The following CNTN4 variants were observed in gnomAD, a reference collection of about 807,000 sequenced individuals.
CNTN4 encodes the protein contactin-4.
In CNTN4, 77 loss-of-function variants were observed where a neutral mutation model predicts 122.5. That is an observed-to-expected ratio of 0.63 (90% CI 0.52 to 0.76). The LOEUF is 0.76. Among genes scored for constraint, CNTN4 ranks in the 30% least tolerant of loss-of-function variants. CNTN4 has a pLI of 0.00. For synonymous variants in CNTN4, 512 were observed against 447.0 expected, an observed-to-expected ratio of 1.15 and a Z score of -1.83; for missense variants, 1,256 against 1,259.1, an observed-to-expected ratio of 1.00 and a Z score of 0.04.
At chr3:2,590,338 C>T (rs937650933) in intron 4 of CNTN4, among the ~76,000 whole-genome samples, 1 of 152,116 alleles carries the variant, frequency 6.6e-6, no homozygotes, top group African/African-American at 2.4e-5. Context: ...CTCACTGTAA[C>T]CTACGCCTCC....
At chr3:2,239,255 C>T (rs533690031) in intron 2 of CNTN4, among the ~76,000 whole-genome samples, 2 of 152,208 alleles carry the variant, frequency 1.3e-5, no homozygotes, top group Admixed American at 1.3e-4. Context: ...AATCCTGTGG[C>T]ATTACAGAGT....
chr3:2,656,388 A>T (rs1250053067), intron 4 of CNTN4, among the ~76,000 whole-genome samples: 1 of 152,232 alleles, frequency 6.6e-6, no homozygotes, highest in Non-Finnish European at 1.5e-5. Context: ...GCCCAGAAGT[A>T]TCATCAGATC....
chr3:2,322,796 T>G (rs2043315581), intron 2 of CNTN4, among the ~76,000 whole-genome samples: 1 of 152,176 alleles, frequency 6.6e-6, no homozygotes, highest in Admixed American at 6.6e-5. Flanking sequence ...TTAAGTGTCT[T>G]TTTCTTTTAT....
At chr3:2,513,263 C>T (rs567265745) in intron 3 of CNTN4, among the ~76,000 whole-genome samples, 13 of 152,076 alleles carry the variant, frequency 8.5e-5, no homozygotes, top group Non-Finnish European at 1.5e-4. Flanking sequence ...CTGAACTGAC[C>T]TTTGTGAGTG....
intron 6 of CNTN4, among the ~76,000 whole-genome samples, chr3:2,758,716 T>A (rs4685556): frequency 0.7 from 105,553 of 151,750 alleles, 38,384 homozygotes; most frequent in Non-Finnish European, 0.81. Context: ...CGTGTTGGCC[T>A]GGCTGGTCAC....
At chr3:2,972,950 C>A (rs1577457865) in intron 13 of CNTN4, among the ~76,000 whole-genome samples, 1 of 152,002 alleles carries the variant, frequency 6.6e-6, no homozygotes, top group East Asian at 1.9e-4. Flanking sequence ...CGGTCATCAA[C>A]TTCCCCTTGG....
rs373977325 is a variant in CNTN4 at position 2,705,537 on chromosome 3, A to C, written c.56-30678A>C. On this transcript the variant is annotated intron_variant, in intron 4 of 24. Coordinates refer to ENST00000418658, the MANE Select transcript of CNTN4 (RefSeq NM_175607.3). ...ATATAAATATATATAAATATATATA[A>C]ATATATATAAATATATATAATTTAT... is the stretch of plus-strand genomic sequence containing the variant. 1.6e-4 allele frequency among the ~76,000 whole-genome samples: 9 copies of C among 55,900 alleles called. 1 individual carries two copies. Among genetic ancestry groups the C allele is most frequent in the Admixed American group, 6.7e-4 (2 of 2,998 alleles). The allele number at this position is 55,900 out of a possible 152,430, so 36.7% of individuals were successfully genotyped here.
At chr3:2,271,289 A>T (rs1465217288) in intron 2 of CNTN4, among the ~76,000 whole-genome samples, 1 of 152,180 alleles carries the variant, frequency 6.6e-6, no homozygotes, top group Non-Finnish European at 1.5e-5. Context: ...TGTAATGGAA[A>T]GAATACATGT....
chr3:2,365,592 T>C (rs2045346591), intron 3 of CNTN4, among the ~76,000 whole-genome samples: 1 of 152,226 alleles, frequency 6.6e-6, no homozygotes, highest in Non-Finnish European at 1.5e-5. Flanking sequence ...TATATTTCTA[T>C]CTTACGTTCT....
intron 12 of CNTN4, among the ~76,000 whole-genome samples, chr3:2,908,140 C>G (rs112717653): frequency 5.3e-5 from 8 of 152,320 alleles, no homozygotes; most frequent in African/African-American, 1.2e-4. Flanking sequence ...TCCTCTCCCC[C>G]ACTCATGAAG....
chr3:2,717,956 C>T (rs913004907), intron 4 of CNTN4, among the ~76,000 whole-genome samples: 3 of 152,062 alleles, frequency 2.0e-5, no homozygotes, highest in Non-Finnish European at 4.4e-5. Context: ...ACCATTTATA[C>T]ATCTCTGTTT....
intron 6 of CNTN4, among the ~76,000 whole-genome samples, chr3:2,767,731 G>C (rs1055091447): frequency 1.3e-5 from 2 of 152,112 alleles, no homozygotes; most frequent in South Asian, 4.1e-4. Context: ...CTATGATCAC[G>C]TCTTACGATA....
At chr3:2,836,685 C>G (rs1304458183) in intron 7 of CNTN4, among the ~76,000 whole-genome samples, 1 of 150,190 alleles carries the variant, frequency 6.7e-6, no homozygotes, top group Non-Finnish European at 1.5e-5. Flanking sequence ...AGTATTTGCT[C>G]AAAATATACC....
At chr3:2,276,531 A>G (rs889332918) in intron 2 of CNTN4, among the ~76,000 whole-genome samples, 1 of 152,148 alleles carries the variant, frequency 6.6e-6, no homozygotes, top group Non-Finnish European at 1.5e-5. Context: ...ATTAAGTGGT[A>G]GGTATTTAGA....
At chr3:2,241,557 A>C (rs2039941839) in intron 2 of CNTN4, among the ~76,000 whole-genome samples, 1 of 152,126 alleles carries the variant, frequency 6.6e-6, no homozygotes, top group Non-Finnish European at 1.5e-5. Flanking sequence ...GTTTAGCTTA[A>C]TGTCTGCATC....
intron 11 of CNTN4, 109 bp downstream of exon 11, chr3:2,900,930 T>C: frequency 7.4e-7 from 1 of 1,355,086 alleles, no homozygotes; most frequent in Non-Finnish European, 1.0e-6. Flanking sequence ...TAATATGCAA[T>C]GAAACAGCAT....
At chr3:2,579,868 T>C (rs1175896738) in intron 4 of CNTN4, among the ~76,000 whole-genome samples, 2 of 152,230 alleles carry the variant, frequency 1.3e-5, no homozygotes, top group African/African-American at 4.8e-5. Flanking sequence ...GACAGTGATG[T>C]TGACGATGAT....
At chr3:2,344,471 G>A (rs1211982502) in intron 3 of CNTN4, among the ~76,000 whole-genome samples, 1 of 151,872 alleles carries the variant, frequency 6.6e-6, no homozygotes, top group African/African-American at 2.4e-5. Flanking sequence ...GTAGAGATGG[G>A]GTTTCACTAT....
chr3:2,311,312 C>T (rs1253756228), intron 2 of CNTN4, among the ~76,000 whole-genome samples: 2 of 152,122 alleles, frequency 1.3e-5, no homozygotes, highest in Non-Finnish European at 1.5e-5. Context: ...TCTGTCTTTC[C>T]GTCAACCCTA....
Sources: gnomAD v4.1 joint callset for allele counts (sites outside exome capture counted in the v4.1 genomes callset) on GRCh38, gnomAD v4.1.1 for gene constraint, MANE v1.5 for transcripts, NCBI Gene and HGNC (gene_info 2026-07-23, HGNC 2026-07-21) for gene names.